The following TBL1XR1 variants were observed in gnomAD, a reference collection of about 807,000 sequenced individuals.
TBL1XR1 encodes the protein F-box-like/WD repeat-containing protein TBL1XR1.
TBL1XR1 carries 5 observed loss-of-function variants against 66.9 expected under a neutral mutation model. That is an observed-to-expected ratio of 0.07 (90% CI 0.04 to 0.16). The LOEUF (loss-of-function observed/expected upper bound fraction) is 0.16, where lower values mean the gene tolerates loss of function less well. Ranked by LOEUF, TBL1XR1 falls within the 10% of genes least tolerant of loss-of-function variation. The probability of loss-of-function intolerance (pLI) is 1.00; values close to 1 mark genes in which losing one functional copy is unlikely to be tolerated. For missense variants in TBL1XR1, 238 were observed against 623.2 expected (o/e 0.38, Z 6.58); for synonymous variants, 210 against 206.0 (o/e 1.02, Z -0.17).
intron 1 of TBL1XR1, among the ~76,000 whole-genome samples, chr3:177,167,729 G>A (rs1318426612): frequency 6.6e-6 from 1 of 152,062 alleles, no homozygotes; most frequent in Non-Finnish European, 1.5e-5. Flanking sequence ...TTGGGAGTTC[G>A]AGACCAGCCT....
intron 2 of TBL1XR1, among the ~76,000 whole-genome samples, chr3:177,076,719 C>CA (rs1560147420): frequency 6.6e-6 from 1 of 152,122 alleles, no homozygotes; most frequent in African/African-American, 2.4e-5. Flanking sequence ...CCCCTTAAAA[C>CA]AAAAAACAAA....
intron 2 of TBL1XR1, among the ~76,000 whole-genome samples, chr3:177,069,798 A>AAGGAC (rs796080126): frequency 1.5e-5 from 1 of 65,050 alleles, no homozygotes; most frequent in African/African-American, 6.0e-5. Flanking sequence ...GAAGGAAAGG[A>AAGGAC]AGGAAGGAAG....
rs199780816 is a variant in TBL1XR1, at chr3:177,196,742, C to A, written c.-122+379G>T. Among the ~76,000 whole-genome samples the A allele has an allele frequency of 9.2e-5, 14 of 151,416 alleles. No individual in the cohort carries two copies. The South Asian group carries it at 2.3e-3, about 25-fold the overall frequency. ...AATCCTTTCCTGAAAGCCTCCCCCC[C>A]CAAACACACACGCACAAAAAGGGGG... On this transcript the variant is annotated intron_variant, in intron 1 of 15. Coordinates refer to ENST00000457928, the MANE Select transcript of TBL1XR1 (RefSeq NM_024665.7).
At chr3:177,059,544 G>GT (rs1342459107) in intron 3 of TBL1XR1, among the ~76,000 whole-genome samples, 1 of 152,024 alleles carries the variant, frequency 6.6e-6, no homozygotes, top group Non-Finnish European at 1.5e-5. Flanking sequence ...AAAACAAATG[G>GT]TATGGTACAA....
chr3:177,172,475 C>T (rs998064700), intron 1 of TBL1XR1, among the ~76,000 whole-genome samples: 63 of 151,016 alleles, frequency 4.2e-4, no homozygotes, highest in South Asian at 4.2e-4. Flanking sequence ...CCACAGTCAT[C>T]GGCCAGATGC....
chr3:177,074,309 G>A (rs1720416943), intron 2 of TBL1XR1, among the ~76,000 whole-genome samples: 1 of 152,182 alleles, frequency 6.6e-6, no homozygotes, highest in African/African-American at 2.4e-5. Flanking sequence ...ATTCCTGACT[G>A]CATCAATAAT....
At chr3:177,037,184 C>T (rs938255957) in intron 12 of TBL1XR1, among the ~76,000 whole-genome samples, 6 of 152,160 alleles carry the variant, frequency 3.9e-5, no homozygotes, top group African/African-American at 1.4e-4. Context: ...ATTAATACAA[C>T]GCAAAGAATT....
chr3:177,119,107 G>A (rs1022089010), intron 1 of TBL1XR1, among the ~76,000 whole-genome samples: 17 of 152,072 alleles, frequency 1.1e-4, no homozygotes, highest in Admixed American at 1.0e-3. Flanking sequence ...GGGTAGCTGG[G>A]ATTACAGGCA....
chr3:177,023,166 CA>C lies in TBL1XR1; in HGVS notation c.*2331del, dbSNP rs1364606327. The stretch of plus-strand genomic sequence containing the variant: ...ATGCAAATGAATAAACTGTCCATAT[CA>C]AAATACAAAAGTACTATCAATAATC... On this transcript the variant is annotated 3_prime_UTR_variant, in exon 16 of 16. Coordinates refer to ENST00000457928, the MANE Select transcript of TBL1XR1 (RefSeq NM_024665.7). 1.3e-5 allele frequency: 2 copies of C among 152,368 alleles called. No homozygotes were observed. The highest frequency in any genetic ancestry group is 4.8e-5 in the African/African-American group (2 of 41,368). The allele number at this position is 152,368 out of a possible 1,614,324, so 9.4% of individuals were successfully genotyped here.
chr3:177,188,118 G>A (rs1300969538), intron 1 of TBL1XR1, among the ~76,000 whole-genome samples: 2 of 151,942 alleles, frequency 1.3e-5, no homozygotes, highest in African/African-American at 4.8e-5. Flanking sequence ...TTTTAGTAGA[G>A]ACGGGGTTTT....
upstream of TBL1XR1, among the ~76,000 whole-genome samples, chr3:177,198,674 C>T (rs1207795633): frequency 6.6e-6 from 1 of 152,196 alleles, no homozygotes. Flanking sequence ...CACCCTTTTA[C>T]ATTAAGATAC....
chr3:177,113,610 C>T (rs1489647794), intron 1 of TBL1XR1, among the ~76,000 whole-genome samples: 1 of 152,138 alleles, frequency 6.6e-6, no homozygotes, highest in Non-Finnish European at 1.5e-5. Flanking sequence ...GCTGGAGAAT[C>T]GCTTTAGGCC....
chr3:177,141,919 G>A (rs1471371059), intron 1 of TBL1XR1, among the ~76,000 whole-genome samples: 2 of 152,196 alleles, frequency 1.3e-5, no homozygotes, highest in Non-Finnish European at 2.9e-5. Flanking sequence ...CTGTGAGGAC[G>A]TTATGCTAAG....
At chr3:177,099,102 C>CA (rs1430938629) in intron 1 of TBL1XR1, among the ~76,000 whole-genome samples, 2 of 152,166 alleles carry the variant, frequency 1.3e-5, no homozygotes, top group Non-Finnish European at 2.9e-5. Context: ...CGCGGTGGCT[C>CA]ACGCCTGTAA....
chr3:177,170,536 G>A (rs921532374), intron 1 of TBL1XR1, among the ~76,000 whole-genome samples: 1 of 152,142 alleles, frequency 6.6e-6, no homozygotes. Context: ...TGTTGACGTG[G>A]CACAGTGCCT....
intron 1 of TBL1XR1, among the ~76,000 whole-genome samples, chr3:177,138,553 T>C (rs1055095900): frequency 7.3e-5 from 11 of 151,720 alleles, no homozygotes; most frequent in Non-Finnish European, 1.6e-4. Context: ...ATCACATCAC[T>C]GTACTCCCAG....
At chr3:177,086,896 G>A (rs1386969828) in intron 2 of TBL1XR1, 1 of 151,238 alleles carries the variant, frequency 6.6e-6, no homozygotes, top group Non-Finnish European at 1.5e-5. Context: ...GCTATTAGAT[G>A]TTGTATTCTT....
At chr3:177,172,892 G>C (rs1344597832) in intron 1 of TBL1XR1, among the ~76,000 whole-genome samples, 1 of 151,926 alleles carries the variant, frequency 6.6e-6, no homozygotes, top group Non-Finnish European at 1.5e-5. Context: ...TATTTCTTTG[G>C]CCAGGCGCGG....
intron 2 of TBL1XR1, among the ~76,000 whole-genome samples, chr3:177,067,850 G>A (rs1287921607): frequency 6.6e-6 from 1 of 152,126 alleles, no homozygotes; most frequent in East Asian, 1.9e-4. Flanking sequence ...GTCCATTATG[G>A]TTTATTTATA....
Sources: allele counts gnomAD v4.1 joint callset (sites outside exome capture counted in the v4.1 genomes callset), GRCh38; gene constraint gnomAD v4.1.1; transcripts MANE v1.5; gene names NCBI Gene and HGNC (gene_info 2026-07-23, HGNC 2026-07-21).